CCSER1: variants seen among roughly 807,000 people sequenced by gnomAD.
CCSER1 encodes coiled-coil serine rich protein 1.
A neutral mutation model predicts 82.0 loss-of-function variants in CCSER1; 41 were observed. That is an observed-to-expected ratio of 0.50 (90% CI 0.39 to 0.65). The LOEUF is 0.65. Among genes scored for constraint, CCSER1 ranks in the 30% least tolerant of loss-of-function variants. The pLI is 0.00. For synonymous variants in CCSER1, 414 were observed against 383.9 expected (o/e 1.08, Z -0.92); for missense variants, 1,119 against 1,064.2 (o/e 1.05, Z -0.72).
At position 90,324,864 on chromosome 4, in the gene CCSER1, G is replaced by C. The variant is rs988759709; in HGVS notation, c.1509+11817G>C. Among the ~76,000 whole-genome samples the C allele has an allele frequency of 6.6e-5, 10 of 152,272 alleles. 1 individual carries two copies. Among genetic ancestry groups the C allele is most frequent in the African/African-American group, 1.2e-4 (5 of 41,548 alleles). On this transcript the variant is annotated intron_variant, in intron 3 of 10. Coordinates refer to ENST00000509176, the MANE Select transcript of CCSER1 (RefSeq NM_001145065.2). Reference sequence around the variant, plus strand: ...ATTTTTGTATAAGGTGTAAGGAAGGGATCCAGTTTCAGCTTTCTACATATG... The same window carrying C: ...ATTTTTGTATAAGGTGTAAGGAAGGCATCCAGTTTCAGCTTTCTACATATG...
At chr4:90,691,139 A>G (rs891064817) in intron 6 of CCSER1, among the ~76,000 whole-genome samples, 1 of 152,064 alleles carries the variant, frequency 6.6e-6, no homozygotes, top group East Asian at 1.9e-4. Flanking sequence ...AATAAAAATA[A>G]TAATATAGTG....
intron 6 of CCSER1, among the ~76,000 whole-genome samples, chr4:90,693,698 A>C (rs894350866): frequency 2.6e-5 from 4 of 151,932 alleles, no homozygotes; most frequent in Admixed American, 2.6e-4. Flanking sequence ...ACCTATGAAA[A>C]ACTCTCCAAG....
At chr4:90,634,350 C>T (rs1410164888) in intron 6 of CCSER1, among the ~76,000 whole-genome samples, 1 of 151,608 alleles carries the variant, frequency 6.6e-6, no homozygotes, top group Non-Finnish European at 1.5e-5. Flanking sequence ...TTTTTCTTTT[C>T]TCTACTACCT....
chr4:90,196,688 C>CACACACACACACAA (rs1180916864), intron 1 of CCSER1, among the ~76,000 whole-genome samples: 2 of 149,110 alleles, frequency 1.3e-5, no homozygotes, highest in Admixed American at 6.8e-5. Flanking sequence ...CACACACACA[C>CACACACACACACAA]AATCTTAGCT....
chr4:90,992,082 T>G (rs1278542421), intron 9 of CCSER1, among the ~76,000 whole-genome samples: 2 of 152,108 alleles, frequency 1.3e-5, no homozygotes, highest in Non-Finnish European at 2.9e-5. Context: ...CTTTTAGTTT[T>G]ACTTTGGTAA....
At chr4:90,408,884 AC>A (rs1280940523) in intron 4 of CCSER1, among the ~76,000 whole-genome samples, 1 of 152,212 alleles carries the variant, frequency 6.6e-6, no homozygotes, top group Non-Finnish European at 1.5e-5. Context: ...AAAACTGAAA[AC>A]AAATTAGATG....
At chr4:91,159,159 C>G (rs149788657) in intron 10 of CCSER1, among the ~76,000 whole-genome samples, 3 of 151,782 alleles carry the variant, frequency 2.0e-5, no homozygotes, top group Non-Finnish European at 4.4e-5. Context: ...GTCTTTTTCC[C>G]CACATGTTCT....
chr4:91,539,899 TCA>T (rs1329965057), intron 10 of CCSER1, among the ~76,000 whole-genome samples: 1 of 152,042 alleles, frequency 6.6e-6, no homozygotes. Flanking sequence ...TTAAGGCCAT[TCA>T]CAGATTGACG....
chr4:90,267,068 G>A (rs1349773400), intron 1 of CCSER1, among the ~76,000 whole-genome samples: 4 of 152,006 alleles, frequency 2.6e-5, no homozygotes, highest in Non-Finnish European at 4.4e-5. Context: ...TTTGGCTTTT[G>A]GACAGCATTT....
chr4:90,152,689 C>G (rs770502547), intron 1 of CCSER1, among the ~76,000 whole-genome samples: 20 of 151,648 alleles, frequency 1.3e-4, no homozygotes, highest in African/African-American at 4.4e-4. Flanking sequence ...TAGAGAGTGC[C>G]CAAAGGGAAG....
intron 8 of CCSER1, among the ~76,000 whole-genome samples, chr4:90,821,697 T>A (rs1326379774): frequency 1.3e-5 from 2 of 152,146 alleles, no homozygotes; most frequent in Non-Finnish European, 2.9e-5. Flanking sequence ...AATATTTGCA[T>A]CATAAGTTTA....
chr4:90,887,338 A>G (rs745353010), intron 8 of CCSER1, among the ~76,000 whole-genome samples: 65 of 152,160 alleles, frequency 4.3e-4, no homozygotes, highest in Non-Finnish European at 7.9e-4. Flanking sequence ...TTGACTTTCA[A>G]CAGACCCTGG....
intron 10 of CCSER1, among the ~76,000 whole-genome samples, chr4:91,446,392 G>T (rs1346778154): frequency 6.6e-6 from 1 of 151,946 alleles, no homozygotes; most frequent in Non-Finnish European, 1.5e-5. Flanking sequence ...CCATTTACAT[G>T]TCAGAAGATT....
intron 3 of CCSER1, among the ~76,000 whole-genome samples, chr4:90,323,534 C>T (rs1036071154): frequency 6.6e-6 from 1 of 152,154 alleles, no homozygotes; most frequent in Non-Finnish European, 1.5e-5. Context: ...AAGACAGCAC[C>T]GAGTCCCAAT....
chr4:91,181,302 A>G (rs773993911), intron 10 of CCSER1, among the ~76,000 whole-genome samples: 13 of 152,338 alleles, frequency 8.5e-5, no homozygotes, highest in Non-Finnish European at 1.3e-4. Flanking sequence ...CCCAAAGACA[A>G]TACAGATTAA....
chr4:90,857,145 A>G (rs1764552129), intron 8 of CCSER1, among the ~76,000 whole-genome samples: 2 of 151,996 alleles, frequency 1.3e-5, no homozygotes, highest in South Asian at 2.1e-4. Context: ...TTATCTCCCA[A>G]TTTCTGTGAA....
In CCSER1 at chr4:91,598,908, A is replaced by C. The variant is rs1231720264; in HGVS notation, c.2554A>C (p.Thr852Pro). The change falls in exon 11 of 11, where the codon ACG (threonine) becomes CCG (proline). Residue 852 changes from threonine to proline, a missense_variant. Transcript: ENST00000509176. Reference protein sequence around the residue: ...FLEKPKDQVATARQHSTFTGR... With the variant: ...FLEKPKDQVAPARQHSTFTGR... ...AGAGAAACCAAAGGACCAAGTTGCT[A>C]CGGCCCGACAGCATTCGACCTTTAC... 7 of 1,551,616 alleles carry C rather than the reference A, an allele frequency of 4.5e-6. No individual in the cohort carries two copies. The highest frequency in any genetic ancestry group is 6.1e-6 in the Non-Finnish European group (7 of 1,146,936).
intron 10 of CCSER1, among the ~76,000 whole-genome samples, chr4:91,313,106 T>C (rs1183305908): frequency 6.6e-6 from 1 of 151,964 alleles, no homozygotes; most frequent in East Asian, 1.9e-4. Flanking sequence ...AACACATTTT[T>C]ATAATTATCA....
intron 6 of CCSER1, among the ~76,000 whole-genome samples, chr4:90,670,240 C>G (rs146340354): frequency 4.6e-5 from 7 of 152,234 alleles, no homozygotes; most frequent in African/African-American, 1.4e-4. Flanking sequence ...AATTTTCTCA[C>G]TCATACGTTG....
Sources: gnomAD v4.1 joint callset for allele counts (sites outside exome capture counted in the v4.1 genomes callset) on GRCh38, gnomAD v4.1.1 for gene constraint, MANE v1.5 for transcripts, NCBI Gene and HGNC (gene_info 2026-07-23, HGNC 2026-07-21) for gene names.